The following SCFD2 variants were observed in gnomAD, a reference collection of about 807,000 sequenced individuals.
The protein encoded by SCFD2 is sec1 family domain-containing protein 2.
In SCFD2, 54 loss-of-function variants were observed where a neutral mutation model predicts 58.9. The ratio of observed to expected loss-of-function variants is 0.92; its 90% CI spans 0.74 to 1.15. The LOEUF (loss-of-function observed/expected upper bound fraction) is 1.15. Among genes scored for constraint, SCFD2 ranks in the 50% most tolerant of loss-of-function variants. The pLI is 0.00. For missense variants in SCFD2, 805 were observed against 836.6 expected (o/e 0.96, Z 0.47); for synonymous variants, 321 against 335.9 (o/e 0.96, Z 0.49).
intron 4 of SCFD2, among the ~76,000 whole-genome samples, chr4:53,271,669 G>C (rs969006413): frequency 6.6e-6 from 1 of 151,962 alleles, no homozygotes; most frequent in Non-Finnish European, 1.5e-5. Flanking sequence ...TGCCATGTTG[G>C]CCAGGCTGGT....
chr4:53,129,553 T>G (rs558129937), intron 5 of SCFD2, among the ~76,000 whole-genome samples: 1 of 152,344 alleles, frequency 6.6e-6, no homozygotes, highest in East Asian at 1.9e-4. Flanking sequence ...CTAGAGCCTG[T>G]TGCATCTCTT....
intron 6 of SCFD2, among the ~76,000 whole-genome samples, chr4:52,914,615 TG>T: frequency 6.6e-6 from 1 of 152,284 alleles, no homozygotes; most frequent in East Asian, 1.9e-4. Context: ...ACCACAGAGC[TG>T]ACTTATTTGT....
At chr4:53,235,278 C>T (rs1350854229) in intron 4 of SCFD2, among the ~76,000 whole-genome samples, 1 of 152,158 alleles carries the variant, frequency 6.6e-6, no homozygotes, top group African/African-American at 2.4e-5. Flanking sequence ...ATAAAGAAGC[C>T]TCTCTGTCCT....
Position 53,333,620 on chromosome 4 carries a change from A to C in SCFD2, c.1007+18978T>G, listed in dbSNP as rs559665252. Among the ~76,000 whole-genome samples the C allele has an allele frequency of 7.6e-3, 1,138 of 149,336 alleles. 6 individuals carry two copies. The highest frequency in any genetic ancestry group is 0.027 in the African/African-American group (1,082 of 40,448). Reference sequence around the variant, plus strand: ...TAATTCAAGATGGATTAAAGACTTAAACGTTAGACCTAAAACCATAAAAAC... The same window carrying C: ...TAATTCAAGATGGATTAAAGACTTACACGTTAGACCTAAAACCATAAAAAC... On this transcript the variant is annotated intron_variant, in intron 2 of 8. Transcript: ENST00000401642.
chr4:53,255,859 A>C (rs1218499210), intron 4 of SCFD2, among the ~76,000 whole-genome samples: 41 of 113,884 alleles, frequency 3.6e-4, no homozygotes, highest in South Asian at 6.0e-4. Context: ...CCCCACCTCC[A>C]TCCCGGACGG....
chr4:53,256,145 G>A lies in SCFD2; in HGVS notation c.1311+17681C>T, dbSNP rs527654511. Among the ~76,000 whole-genome samples the A allele has an allele frequency of 4.0e-5, 6 of 149,206 alleles. No individual in the cohort carries two copies. The East Asian group carries it at 6.1e-4, about 15-fold the overall frequency. On this transcript the variant is annotated intron_variant, in intron 4 of 8. Coordinates refer to ENST00000401642, the MANE Select transcript of SCFD2 (RefSeq NM_152540.4). Reference sequence around the variant, plus strand: ...TTCCCAGACGGGGTGGCTGCCGGACGGAGGGGCTCCTCACTTCTCAGACGG... The same window carrying A: ...TTCCCAGACGGGGTGGCTGCCGGACAGAGGGGCTCCTCACTTCTCAGACGG...
chr4:52,959,909 C>T (rs1720805755), intron 5 of SCFD2, among the ~76,000 whole-genome samples: 1 of 151,872 alleles, frequency 6.6e-6, no homozygotes, highest in South Asian at 2.1e-4. Context: ...CACACACACA[C>T]ACACACACAC....
At chr4:53,247,573 G>T (rs1469498167) in intron 4 of SCFD2, among the ~76,000 whole-genome samples, 1 of 152,112 alleles carries the variant, frequency 6.6e-6, no homozygotes, top group Non-Finnish European at 1.5e-5. Flanking sequence ...AAAATAACAA[G>T]ATCAGGCCGG....
chr4:52,906,988 C>T (rs986774538), intron 7 of SCFD2, among the ~76,000 whole-genome samples: 6 of 152,170 alleles, frequency 3.9e-5, no homozygotes, highest in African/African-American at 1.2e-4. Flanking sequence ...TGACACTTGT[C>T]GCCTAGGAGT....
At chr4:53,276,336 C>T (rs1475008995) in intron 3 of SCFD2, among the ~76,000 whole-genome samples, 6 of 151,988 alleles carry the variant, frequency 3.9e-5, no homozygotes, top group African/African-American at 1.4e-4. Context: ...AAATAAAAGA[C>T]CTCTGCTACT....
intron 5 of SCFD2, among the ~76,000 whole-genome samples, chr4:53,110,131 T>C (rs1031797787): frequency 6.6e-6 from 1 of 151,380 alleles, no homozygotes; most frequent in African/African-American, 2.4e-5. Context: ...GACAAAAACA[T>C]GCAATGGGGA....
intron 5 of SCFD2, among the ~76,000 whole-genome samples, chr4:53,129,748 T>C (rs17703292): frequency 0.19 from 29,045 of 152,220 alleles, 3,491 homozygotes; most frequent in Non-Finnish European, 0.28. Context: ...GCACCAACAT[T>C]GTCAACAACT....
At chr4:53,016,478 G>A (rs1208806048) in intron 5 of SCFD2, among the ~76,000 whole-genome samples, 1 of 152,068 alleles carries the variant, frequency 6.6e-6, no homozygotes, top group Non-Finnish European at 1.5e-5. Flanking sequence ...TTAGACCAAC[G>A]GTATACTGTT....
intron 5 of SCFD2, among the ~76,000 whole-genome samples, chr4:53,026,318 A>G (rs1722473349): frequency 6.6e-6 from 1 of 152,242 alleles, no homozygotes; most frequent in East Asian, 1.9e-4. Flanking sequence ...AATTAGAGGC[A>G]TAACTTAATT....
At chr4:52,907,791 C>A (rs1281518219) in intron 6 of SCFD2, among the ~76,000 whole-genome samples, 200 bp from the exon 7 acceptor site, 2 of 152,002 alleles carry the variant, frequency 1.3e-5, no homozygotes, top group African/African-American at 4.8e-5. Flanking sequence ...TAAACTTTCA[C>A]CCCAATGCTT....
At chr4:53,175,502 T>C (rs1366529222) in intron 4 of SCFD2, among the ~76,000 whole-genome samples, 1 of 152,236 alleles carries the variant, frequency 6.6e-6, no homozygotes, top group Non-Finnish European at 1.5e-5. Context: ...GCATTCATTA[T>C]AGACTGAAAT....
intron 5 of SCFD2, among the ~76,000 whole-genome samples, chr4:53,068,650 G>A (rs1178441919): frequency 2.0e-5 from 3 of 151,906 alleles, no homozygotes; most frequent in Non-Finnish European, 4.4e-5. Context: ...GGCCATATTT[G>A]TACTTTATTA....
intron 7 of SCFD2, among the ~76,000 whole-genome samples, chr4:52,899,187 T>C (rs1719111133): frequency 6.6e-6 from 1 of 152,362 alleles, no homozygotes; most frequent in Admixed American, 6.5e-5. Flanking sequence ...TTTGATCCTG[T>C]CATTATGATG....
chr4:53,337,940 T>G lies in SCFD2; in HGVS notation c.1007+14658A>C, dbSNP rs1309953240. ...ATTATCCAGATAGGTCCAATGTAAT[T>G]ACAACAGTCCTTATAGGAGGGATAC... On this transcript the variant is annotated intron_variant, in intron 2 of 8. Transcript: ENST00000401642. 2.0e-5 allele frequency among the ~76,000 whole-genome samples: 3 copies of G among 152,140 alleles called. No homozygotes were observed. In the East Asian group the frequency reaches 5.8e-4, roughly 29 times the overall value.
Sources: gnomAD v4.1 joint callset for allele counts (sites outside exome capture counted in the v4.1 genomes callset) on GRCh38, gnomAD v4.1.1 for gene constraint, MANE v1.5 for transcripts, NCBI Gene and HGNC (gene_info 2026-07-23, HGNC 2026-07-21) for gene names.